IGSF11: variants seen among roughly 807,000 people sequenced by gnomAD.
IGSF11 encodes immunoglobulin superfamily member 11.
Under a neutral mutation model 41.0 loss-of-function variants are expected in IGSF11, and 22 were observed. The observed-to-expected ratio is 0.54, with a 90% CI of 0.38 to 0.77. The LOEUF (loss-of-function observed/expected upper bound fraction) is 0.77, where lower values mean the gene tolerates loss of function less well. IGSF11 is among the 30% of genes least tolerant of loss of function. IGSF11 has a pLI of 0.00. For missense variants in IGSF11, 444 were observed against 530.8 expected, an observed-to-expected ratio of 0.84 and a Z score of 1.61; for synonymous variants, 219 against 201.3, an observed-to-expected ratio of 1.09 and a Z score of -0.74.
At chr3:118,916,773 G>C (rs1941159232) in intron 4 of IGSF11, among the ~76,000 whole-genome samples, 1 of 151,886 alleles carries the variant, frequency 6.6e-6, no homozygotes, top group Admixed American at 6.6e-5. Context: ...GACATCTACA[G>C]AACTCTCCAC....
At chr3:118,927,154 T>TA (rs1198174608) in intron 3 of IGSF11, among the ~76,000 whole-genome samples, 2 of 152,256 alleles carry the variant, frequency 1.3e-5, no homozygotes, top group South Asian at 2.1e-4. Flanking sequence ...GTAAAAATCT[T>TA]AGAGAATCCT....
At chr3:119,035,198 C>T (rs2107742692), upstream of IGSF11, among the ~76,000 whole-genome samples, 2 of 152,342 alleles carry the variant, frequency 1.3e-5, no homozygotes, top group Admixed American at 1.3e-4. Flanking sequence ...CTAGCAATGA[C>T]TTTTCCACAG....
At chr3:119,063,151 T>A (rs1430432503) in intron 1 of IGSF11, among the ~76,000 whole-genome samples, 1 of 152,100 alleles carries the variant, frequency 6.6e-6, no homozygotes, top group Non-Finnish European at 1.5e-5. Flanking sequence ...TTCAGTCTAG[T>A]GGAAAAGGCA....
intron 1 of IGSF11, among the ~76,000 whole-genome samples, chr3:118,943,496 A>G (rs924659259): frequency 6.6e-6 from 1 of 152,174 alleles, no homozygotes; most frequent in South Asian, 2.1e-4. Flanking sequence ...TTTTTTCGCT[A>G]TTTCAGGATT....
chr3:118,986,133 G>A (rs947856347), intron 1 of IGSF11, among the ~76,000 whole-genome samples: 11 of 152,008 alleles, frequency 7.2e-5, no homozygotes, highest in Non-Finnish European at 1.0e-4. Flanking sequence ...TGGAATGTGC[G>A]CCCTCTCTTC....
At position 119,049,125 on chromosome 3, in the gene IGSF11, A is replaced by T. The variant is rs1576728863; in HGVS notation, c.49+56019T>A. ...CCCTCTCTCACCACTCCTGTTCAACATAGTGTTGGAAGTTCTGGCCAGGGC... is the reference window on the plus strand; with the variant it reads ...CCCTCTCTCACCACTCCTGTTCAACTTAGTGTTGGAAGTTCTGGCCAGGGC... On this transcript the variant is annotated intron_variant, in intron 1 of 6. Transcript: ENST00000354673. 2.0e-5 allele frequency among the ~76,000 whole-genome samples: 3 copies of T among 151,960 alleles called. No individual in the cohort carries two copies. In the East Asian group the frequency reaches 5.8e-4, roughly 29 times the overall value.
chr3:119,135,146 G>A (rs897901031), intron 1 of IGSF11, among the ~76,000 whole-genome samples: 4 of 152,126 alleles, frequency 2.6e-5, no homozygotes, highest in Non-Finnish European at 4.4e-5. Context: ...CAGGACATAG[G>A]CATGGGCAAG....
At chr3:118,945,793 CCACA>C (rs1462271014) in intron 1 of IGSF11, 2 of 152,024 alleles carry the variant, frequency 1.3e-5, no homozygotes, top group African/African-American at 4.8e-5. Flanking sequence ...AAAAAACCAC[CCACA>C]CAAACCAGAA....
At chr3:118,929,013 A>C (rs574009789) in intron 2 of IGSF11, among the ~76,000 whole-genome samples, 134 of 152,308 alleles carry the variant, frequency 8.8e-4, no homozygotes, top group African/African-American at 3.2e-3. Flanking sequence ...TTACCAGTTC[A>C]AAAAACTGAT....
chr3:118,998,080 T>C (rs1559763070), intron 1 of IGSF11, among the ~76,000 whole-genome samples: 1 of 152,158 alleles, frequency 6.6e-6, no homozygotes, highest in Non-Finnish European at 1.5e-5. Context: ...TAAGTCAATA[T>C]ATAAAATAAT....
intron 1 of IGSF11, among the ~76,000 whole-genome samples, chr3:119,073,047 A>G (rs1446419134): frequency 6.6e-6 from 1 of 152,172 alleles, no homozygotes; most frequent in Non-Finnish European, 1.5e-5. Flanking sequence ...CTTGAGCTAG[A>G]CACAGCACTG....
intron 1 of IGSF11, among the ~76,000 whole-genome samples, chr3:119,025,308 T>C (rs993503012): frequency 6.6e-6 from 1 of 152,092 alleles, no homozygotes; most frequent in Admixed American, 6.5e-5. Flanking sequence ...CTAGTCTAAT[T>C]CCCTCATTTT....
intron 1 of IGSF11, among the ~76,000 whole-genome samples, chr3:119,045,337 G>C (rs251455): frequency 6.6e-6 from 1 of 152,144 alleles, no homozygotes; most frequent in Non-Finnish European, 1.5e-5. Flanking sequence ...CTTGGGAAGC[G>C]CAAGGGGTCA....
Position 119,110,941 on chromosome 3 carries a change from A to G in IGSF11, c.-13-5736T>C, listed in dbSNP as rs377153126. ...GCCCCCACTCTCTTCTGGCTTGTAG[A>G]GTTTCTGCCGAGAGATCCGCTATTA... On this transcript the variant is annotated intron_variant, in intron 1 of 7. Transcript: ENST00000425327. Among the ~76,000 whole-genome samples, 253 of 151,766 alleles carry G rather than the reference A, an allele frequency of 1.7e-3. 1 individual carries two copies. In the East Asian group the frequency reaches 0.017, roughly 10 times the overall value.
chr3:118,903,584 C>T (rs1399515123), intron 6 of IGSF11, among the ~76,000 whole-genome samples: 1 of 152,114 alleles, frequency 6.6e-6, no homozygotes, highest in African/African-American at 2.4e-5. Flanking sequence ...CCTCAGTAAT[C>T]TTATCCTGGG....
intron 1 of IGSF11, among the ~76,000 whole-genome samples, chr3:119,070,905 G>A (rs1297006234): frequency 5.3e-5 from 8 of 152,210 alleles, no homozygotes; most frequent in South Asian, 4.1e-4. Context: ...AAGTGATCAT[G>A]TGCAATACAG....
chr3:119,101,175 T>C (rs1416080177), intron 1 of IGSF11, among the ~76,000 whole-genome samples: 1 of 152,208 alleles, frequency 6.6e-6, no homozygotes, highest in African/African-American at 2.4e-5. Flanking sequence ...AAATAGCCTC[T>C]TTTTACAAAT....
rs1443362980 is a variant in IGSF11, at chr3:118,932,302, CTGTTTTACTTTGAAGT to C, written c.53-2043_53-2028del. ...ATTCAGTCTATGACAGTATCTCAAACTGTTTTACTTTGAAGTGATAGTATCTCAATTCTCTCAAAAA... is the reference window on the plus strand; with the variant it reads ...ATTCAGTCTATGACAGTATCTCAAACGATAGTATCTCAATTCTCTCAAAAA... On this transcript the variant is annotated intron_variant, in intron 1 of 6. Transcript: ENST00000393775. 2.6e-5 allele frequency among the ~76,000 whole-genome samples: 4 copies of C among 152,276 alleles called. No homozygotes were observed. In the East Asian group the frequency reaches 7.7e-4, roughly 29 times the overall value.
intron 1 of IGSF11, among the ~76,000 whole-genome samples, chr3:119,121,573 C>A (rs947708532): frequency 6.6e-6 from 1 of 151,842 alleles, no homozygotes; most frequent in Non-Finnish European, 1.5e-5. Flanking sequence ...CAGAGATATA[C>A]AAGAAACTAC....
Sources: allele counts gnomAD v4.1 joint callset (sites outside exome capture counted in the v4.1 genomes callset), GRCh38; gene constraint gnomAD v4.1.1; transcripts MANE v1.5; gene names NCBI Gene and HGNC (gene_info 2026-07-23, HGNC 2026-07-21).